PABIR3: variants seen among roughly 807,000 people sequenced by gnomAD.
The protein encoded by PABIR3 is PABIR family member 3.
In PABIR3, 20 loss-of-function variants were observed where a neutral mutation model predicts 23.1. The observed-to-expected ratio is 0.86, with a 90% CI of 0.61 to 1.26. The LOEUF is 1.26. Among genes scored for constraint, PABIR3 ranks in the 50% most tolerant of loss-of-function variants. The pLI is 0.00. For missense variants in PABIR3, 189 were observed against 195.4 expected (o/e 0.97, Z 0.20); for synonymous variants, 69 against 68.5 (o/e 1.01, Z -0.04).
chrX:134,797,810 ATTTTTTTTT>A (rs200169266), intron 1 of PABIR3, among the ~76,000 whole-genome samples: 1 of 88,077 alleles, frequency 1.1e-5, no homozygotes. Context: ...TGAGATCTGG[ATTTTTTTTT>A]TTTTTTTTTT....
intron 3 of PABIR3, among the ~76,000 whole-genome samples, chrX:134,828,972 A>G (rs1459483873): frequency 2.7e-5 from 3 of 111,493 alleles, no homozygotes; most frequent in African/African-American, 6.5e-5. Context: ...AAAATCCTCT[A>G]TTGATGTTCT....
chrX:134,803,628 C>CCAGCTAGA (rs2080119875), upstream of PABIR3, among the ~76,000 whole-genome samples: 1 of 111,728 alleles, frequency 9.0e-6, no homozygotes, highest in Non-Finnish European at 1.9e-5. Flanking sequence ...TATTTTTCTC[C>CCAGCTAGA]CAGCTAGATT....
At chrX:134,850,266 GAA>G (rs200183026) in intron 9 of PABIR3, among the ~76,000 whole-genome samples, 1 of 111,206 alleles carries the variant, frequency 9.0e-6, no homozygotes, top group Non-Finnish European at 1.9e-5. Flanking sequence ...ATTAAGGTAA[GAA>G]AGAGGAGTAA....
At chrX:134,807,098 G>C (rs2080278841), upstream of PABIR3, 1 of 724,506 alleles carries the variant, frequency 1.4e-6, no homozygotes, top group Admixed American at 8.8e-5. Context: ...CTGCGCGTGC[G>C]CCCCTGGCAA....
intron 3 of PABIR3, chrX:134,822,864 G>A (rs766129181): frequency 1.2e-3 from 149 of 127,558 alleles, no homozygotes; most frequent in Non-Finnish European, 1.8e-3. Context: ...CAGGCCAGGC[G>A]CGGTGGCTCA....
intron 4 of PABIR3, among the ~76,000 whole-genome samples, chrX:134,838,116 G>T (rs779366196): frequency 1.9e-4 from 21 of 111,218 alleles, no homozygotes; most frequent in Admixed American, 9.6e-4. Context: ...CAAAGCTCTT[G>T]ATTTTTCTTC....
intron 3 of PABIR3, chrX:134,821,244 TAAAAA>T: frequency 3.2e-4 from 183 of 569,988 alleles, no homozygotes; most frequent in East Asian, 3.8e-4. Flanking sequence ...CCAAGCATTG[TAAAAA>T]AAAAAAAAAA....
At chrX:134,840,385 CA>C (rs764417295) in intron 4 of PABIR3, among the ~76,000 whole-genome samples, 2 of 109,390 alleles carry the variant, frequency 1.8e-5, no homozygotes, top group East Asian at 2.9e-4. Context: ...AAAAACAAAA[CA>C]AAAAAAACAT....
chrX:134,835,876 TGC>T (rs2081956202), intron 4 of PABIR3: 1 of 111,682 alleles, frequency 9.0e-6, no homozygotes, highest in Non-Finnish European at 1.9e-5. Flanking sequence ...CTCGCTCTGT[TGC>T]CTAGGCTGGA....
At chrX:134,850,121 C>T (rs1037915221) in intron 9 of PABIR3, among the ~76,000 whole-genome samples, 4 of 108,891 alleles carry the variant, frequency 3.7e-5, no homozygotes, top group African/African-American at 1.0e-4. Flanking sequence ...GTGATCCACC[C>T]ACCTCGGCCT....
At chrX:134,809,540 A>G in intron 2 of PABIR3, 3 of 752,354 alleles carry the variant, frequency 4.0e-6, no homozygotes, top group South Asian at 6.7e-5. Context: ...GGTTTTCTAG[A>G]TACCGTAAAA....
intron 3 of PABIR3, among the ~76,000 whole-genome samples, chrX:134,826,524 C>T (rs957140698): frequency 1.8e-5 from 2 of 111,221 alleles, no homozygotes; most frequent in African/African-American, 6.5e-5. Context: ...ATAACAACAG[C>T]TTATTAGCTG....
chrX:134,821,745 A>G (rs908628133), intron 3 of PABIR3: 2 of 940,390 alleles, frequency 2.1e-6, no homozygotes, highest in African/African-American at 2.0e-5. Flanking sequence ...TGCCCTGCAC[A>G]TCTAGCCCAT....
intron 3 of PABIR3, among the ~76,000 whole-genome samples, chrX:134,824,736 G>A (rs1201842908): frequency 1.8e-5 from 2 of 111,878 alleles, no homozygotes; most frequent in African/African-American, 6.5e-5. Context: ...GGAGGTGGAG[G>A]TTGCATTGAG....
chrX:134,825,502 A>G (rs948257446), intron 3 of PABIR3, among the ~76,000 whole-genome samples: 3 of 112,077 alleles, frequency 2.7e-5, no homozygotes, highest in African/African-American at 9.7e-5. Flanking sequence ...TATCCCTTTA[A>G]TATAAGTTTT....
At chrX:134,807,170 A>G, upstream of PABIR3, 1 of 787,662 alleles carries the variant, frequency 1.3e-6, no homozygotes. Context: ...CGTCCGGCTG[A>G]TAGCTTATCG....
the PABIR3 span, among the ~76,000 whole-genome samples, chrX:134,863,891 G>A: frequency 9.0e-6 from 1 of 111,513 alleles, no homozygotes; most frequent in African/African-American, 3.3e-5. Flanking sequence ...CCATGCATAT[G>A]GGCCTGTGTG....
chrX:134,830,760 A>G (rs2081745816), intron 4 of PABIR3, among the ~76,000 whole-genome samples: 1 of 111,546 alleles, frequency 9.0e-6, no homozygotes, highest in African/African-American at 3.3e-5. Context: ...TCTGTGCAAT[A>G]TGTTTCTTTG....
At chrX:134,821,543 A>G (rs953676959) in intron 3 of PABIR3, 2 of 1,150,919 alleles carry the variant, frequency 1.7e-6, no homozygotes, top group Non-Finnish European at 2.3e-6. Flanking sequence ...CTTCCAAAGG[A>G]AGCAGGGGAA....
Sources: gnomAD v4.1 joint callset for allele counts (sites outside exome capture counted in the v4.1 genomes callset) on GRCh38, gnomAD v4.1.1 for gene constraint, MANE v1.5 for transcripts, NCBI Gene and HGNC (gene_info 2026-07-23, HGNC 2026-07-21) for gene names.